Variants in CACNG1 observed in about 807,000 individuals in gnomAD.
CACNG1 encodes the protein calcium voltage-gated channel auxiliary subunit gamma 1, also known as voltage-dependent calcium channel gamma-1 subunit.
A neutral mutation model predicts 22.0 loss-of-function variants in CACNG1; 21 were observed. That is an observed-to-expected ratio of 0.95 (90% CI 0.68 to 1.37). CACNG1 has a LOEUF of 1.37. Ranked by LOEUF, CACNG1 falls within the 40% of genes most tolerant of loss-of-function variation. CACNG1 has a pLI of 0.00. For missense variants in CACNG1, 291 were observed against 308.6 expected (o/e 0.94, Z 0.43); for synonymous variants, 127 against 129.2 (o/e 0.98, Z 0.12).
Position 67,044,830 on chromosome 17 carries a change from G to T in CACNG1, c.170G>T (p.Cys57Phe). The change falls in exon 1 of 4, where the codon TGT (cysteine) becomes TTT (phenylalanine). Residue 57 changes from cysteine (C) to phenylalanine (F), a missense_variant. Coordinates refer to ENST00000226021, the MANE Select transcript of CACNG1 (RefSeq NM_000727.4). The surrounding 1 kb of genome is among the most constrained non-coding windows in gnomAD (Gnocchi z 6.9). ...EAAHFGLWRI[C>F]TKRIPMDDSK... ...GCCCACTTCGGCCTCTGGCGGATTT[G>T]TACCAAGCGCATCCCCATGGACGAC... 6.2e-7 allele frequency: 1 copy of T among 1,613,436 alleles called. No individual in the cohort carries two copies. The highest frequency in any genetic ancestry group is 8.5e-7 in the Non-Finnish European group (1 of 1,180,034).
chr17:67,055,159 G>A lies in CACNG1; in HGVS notation c.361G>A (p.Gly121Ser). Residue 121 changes from glycine to serine, a missense_variant, in exon 3 of 4, where the codon GGC becomes AGC. Coordinates refer to ENST00000226021, the MANE Select transcript of CACNG1 (RefSeq NM_000727.4). The surrounding 1 kb of genome is among the most constrained non-coding windows in gnomAD (Gnocchi z 4.5). Reference sequence around the variant, plus strand: ...CTTCAGCCTTGGCTTCATCATCCTGGGCAGCCTCTGTGTCCTCCTGTCCCT... The same window carrying A: ...CTTCAGCCTTGGCTTCATCATCCTGAGCAGCCTCTGTGTCCTCCTGTCCCT... The part of the protein sequence containing the change: ...AIFSLGFIIL[G>S]SLCVLLSLGK... The A allele has an allele frequency of 6.2e-7, 1 of 1,614,172 alleles. No homozygotes were observed. The highest frequency in any genetic ancestry group is 2.2e-5 in the East Asian group (1 of 44,890).
intron 1 of CACNG1, among the ~76,000 whole-genome samples, chr17:67,046,531 T>A (rs950932659): frequency 2.0e-5 from 3 of 152,082 alleles, no homozygotes; most frequent in African/African-American, 7.2e-5. Context: ...AAACACCAAG[T>A]CCCAGGGCTG....
At position 67,056,106 on chromosome 17, in the gene CACNG1, T is replaced by C; in HGVS notation, c.504T>C (p.Ser168=). ...MRQSVKRMID[S]EDTVWIEYYY... The stretch of plus-strand genomic sequence containing the variant: ...AGTCGGTGAAGCGCATGATTGACAG[T>C]GAGGACACCGTCTGGATCGAGTACT... The change falls in exon 4 of 4, where the codon AGT becomes AGC. Residue 168 remains serine, a synonymous_variant. Coordinates refer to ENST00000226021, the MANE Select transcript of CACNG1 (RefSeq NM_000727.4). The surrounding 1 kb of genome is among the most constrained non-coding windows in gnomAD (Gnocchi z 4.3). 1 of 1,613,594 alleles carries C rather than the reference T, an allele frequency of 6.2e-7. No individual in the cohort carries two copies. The highest frequency in any genetic ancestry group is 8.5e-7 in the Non-Finnish European group (1 of 1,179,934).
At chr17:67,052,459 A>C (rs1179683941) in intron 1 of CACNG1, among the ~76,000 whole-genome samples, 1 of 152,224 alleles carries the variant, frequency 6.6e-6, no homozygotes, top group East Asian at 1.9e-4. Context: ...GAAAGTCTTC[A>C]TCCCAAAGAA....
Position 67,055,363 on chromosome 17 carries a change from C to A in CACNG1, c.442+123C>A. The A allele has an allele frequency of 8.4e-7, 1 of 1,197,536 alleles. No individual in the cohort carries two copies. The highest frequency in any genetic ancestry group is 1.2e-6 in the Non-Finnish European group (1 of 868,620). 74.2% of individuals were successfully genotyped at this position (1,197,536 alleles called of 1,614,324 possible). ...GGCATTTCCCAGGCTCCATCCCCATCCAGGGGCAAACCTGGCCAGGCCATC... is the reference window on the plus strand; with the variant it reads ...GGCATTTCCCAGGCTCCATCCCCATACAGGGGCAAACCTGGCCAGGCCATC... On this transcript the variant is annotated intron_variant, in intron 3 of 3. Transcript: ENST00000226021. The surrounding 1 kb of genome is among the most constrained non-coding windows in gnomAD (Gnocchi z 4.5).
At chr17:67,046,638 C>G (rs577736287) in intron 1 of CACNG1, among the ~76,000 whole-genome samples, 1 of 152,308 alleles carries the variant, frequency 6.6e-6, no homozygotes, top group African/African-American at 2.4e-5. Context: ...ACAGGAACAG[C>G]CTCCAGCCAA....
Position 67,056,014 on chromosome 17 carries a change from G to A in CACNG1, c.443-31G>A, listed in dbSNP as rs1335844846. 6.3e-6 allele frequency: 10 copies of A among 1,579,356 alleles called. No homozygotes were observed. In the East Asian group the frequency reaches 8.9e-5, roughly 14 times the overall value. On this transcript the variant is annotated intron_variant, in intron 3 of 3. Coordinates refer to ENST00000226021, the MANE Select transcript of CACNG1 (RefSeq NM_000727.4). The surrounding 1 kb of genome is among the most constrained non-coding windows in gnomAD (Gnocchi z 4.3). ...CTGGTGGCTACGGCAGACGCCCCTC[G>A]GTCCCTGAGCATGCCTGGCTCTGCC...
chr17:67,053,356 C>CT (rs1233935982), intron 1 of CACNG1, among the ~76,000 whole-genome samples: 4 of 152,232 alleles, frequency 2.6e-5, no homozygotes, highest in Admixed American at 6.5e-5. Flanking sequence ...TTGAAAAACA[C>CT]TGTTTCCCAG....
Position 67,054,017 on chromosome 17 carries a change from G to A in CACNG1, c.251G>A (p.Arg84Lys), listed in dbSNP as rs758554446. 1.9e-6 allele frequency: 3 copies of A among 1,614,106 alleles called. No homozygotes were observed. The East Asian group carries it at 6.7e-5, about 36-fold the overall frequency. The change falls in exon 2 of 4, where the codon AGG becomes AAG. Residue 84 changes from arginine (R) to lysine (K), a missense_variant. By Grantham distance (26) the Arg-to-Lys change is conservative. Transcript: ENST00000226021. The surrounding 1 kb of genome is among the most constrained non-coding windows in gnomAD (Gnocchi z 4.6). ...GCAGAGAAGAACTGTTCCTACTTCA[G>A]GCATTTTAACCCCGGCGAGAGCTCG... Reference protein sequence around the residue: ...LPGEKNCSYFRHFNPGESSEI... With the variant: ...LPGEKNCSYFKHFNPGESSEI...
intron 1 of CACNG1, among the ~76,000 whole-genome samples, chr17:67,046,389 G>C (rs1371886627): frequency 6.6e-6 from 1 of 152,128 alleles, no homozygotes; most frequent in Non-Finnish European, 1.5e-5. Flanking sequence ...CTGCTTGTGA[G>C]GCAAAGAGCA....
chr17:67,047,581 T>C (rs1042556848), intron 1 of CACNG1, among the ~76,000 whole-genome samples: 1 of 152,178 alleles, frequency 6.6e-6, no homozygotes, highest in African/African-American at 2.4e-5. Context: ...AAACCCCCAC[T>C]TGAGAAGCTG....
rs1441618482 is a variant in CACNG1, at chr17:67,055,971, A to T, written c.443-74A>T. 1 of 1,276,850 alleles carries T rather than the reference A, an allele frequency of 7.8e-7. No homozygotes were observed. The highest frequency in any genetic ancestry group is 2.3e-5 in the East Asian group (1 of 43,142). The allele number at this position is 1,276,850 out of a possible 1,614,324, so 79.1% of individuals were successfully genotyped here. ...GGCAAGGTCACCGCCTCCTCCATGC[A>T]CACAGGCTGGGATGGGGCTGGTGGC... On this transcript the variant is annotated intron_variant, in intron 3 of 3. Transcript: ENST00000226021. The surrounding 1 kb of genome is among the most constrained non-coding windows in gnomAD (Gnocchi z 4.5).
chr17:67,045,599 T>C (rs141191471), intron 1 of CACNG1, among the ~76,000 whole-genome samples: 1,990 of 149,160 alleles, frequency 0.013, 48 homozygotes, highest in African/African-American at 0.047. Flanking sequence ...CTTGGCTCCC[T>C]GCAACTTCTG....
chr17:67,050,760 G>A (rs143160143), intron 1 of CACNG1, among the ~76,000 whole-genome samples: 1,835 of 152,302 alleles, frequency 0.012, 19 homozygotes, highest in South Asian at 0.018. Context: ...AGTTACTGAT[G>A]CCCTTAACCA....
Position 67,054,848 on chromosome 17 carries a change from G to A in CACNG1, c.305-255G>A, listed in dbSNP as rs891513914. Among the ~76,000 whole-genome samples the A allele has an allele frequency of 1.4e-4, 21 of 147,548 alleles. No individual in the cohort carries two copies. Among genetic ancestry groups the A allele is most frequent in the East Asian group, 2.0e-4 (1 of 5,056 alleles). ...CACAGAGACACACACTGACACACAC[G>A]TACAATGACAGACACAGAGACACAC... On this transcript the variant is annotated intron_variant, in intron 2 of 3. Transcript: ENST00000226021. This position sits in a 1 kb window ranked among gnomAD's most constrained non-coding sequence, Gnocchi z 4.6.
Position 67,044,823 on chromosome 17 carries a change from C to A in CACNG1, c.163C>A (p.Arg55=), listed in dbSNP as rs765921113. 5 of 1,613,280 alleles carry A rather than the reference C, an allele frequency of 3.1e-6. No individual in the cohort carries two copies. In the African/African-American group the frequency reaches 4.0e-5, roughly 13 times the overall value. Residue 55 remains arginine (R), a synonymous_variant, in exon 1 of 4, where the codon CGG becomes AGG. Coordinates refer to ENST00000226021, the MANE Select transcript of CACNG1 (RefSeq NM_000727.4). The surrounding 1 kb of genome is among the most constrained non-coding windows in gnomAD (Gnocchi z 6.9). ...CGAGGCGGCCCACTTCGGCCTCTGG[C>A]GGATTTGTACCAAGCGCATCCCCAT... is the stretch of plus-strand genomic sequence containing the variant. ...TCEAAHFGLW[R]ICTKRIPMDD...
intron 1 of CACNG1, among the ~76,000 whole-genome samples, chr17:67,045,673 C>T (rs573845268): frequency 1.2e-4 from 19 of 152,228 alleles, no homozygotes; most frequent in African/African-American, 4.6e-4. Flanking sequence ...CAGGCATGCA[C>T]CACCACACCC....
Position 67,054,562 on chromosome 17 carries a change from C to T in CACNG1, c.304+492C>T, listed in dbSNP as rs2143419221. The stretch of plus-strand genomic sequence containing the variant: ...GTCGGGAGTACAGACCCGTGCCTGC[C>T]TGCGCCCAGACAGCTGCACACAGGG... On this transcript the variant is annotated intron_variant, in intron 2 of 3. Coordinates refer to ENST00000226021, the MANE Select transcript of CACNG1 (RefSeq NM_000727.4). The surrounding 1 kb of genome is among the most constrained non-coding windows in gnomAD (Gnocchi z 4.6). 6.6e-6 allele frequency among the ~76,000 whole-genome samples: 1 copy of T among 152,266 alleles called. No individual in the cohort carries two copies. Among genetic ancestry groups the T allele is most frequent in the East Asian group, 1.9e-4 (1 of 5,182 alleles).
Position 67,054,695 on chromosome 17 carries a change from CGCATG to C in CACNG1, c.305-407_305-403del, listed in dbSNP as rs386798574. On this transcript the variant is annotated intron_variant, in intron 2 of 3. Coordinates refer to ENST00000226021, the MANE Select transcript of CACNG1 (RefSeq NM_000727.4). This position sits in a 1 kb window ranked among gnomAD's most constrained non-coding sequence, Gnocchi z 4.6. ...AGACGCACAGAGACACTGACACACA[CGCATG>C]ATGACACACAAAATGACACACAGTG... 8.3e-4 allele frequency among the ~76,000 whole-genome samples: 87 copies of C among 104,542 alleles called. No individual in the cohort carries two copies. In the East Asian group the frequency reaches 0.011, roughly 13 times the overall value. The allele number at this position is 104,542 out of a possible 152,430, so 68.6% of individuals were successfully genotyped here. A position where few individuals can be genotyped will look rare whatever the true frequency, so the allele number is the denominator to read the frequency against.
Sources: allele counts gnomAD v4.1 joint callset (sites outside exome capture counted in the v4.1 genomes callset), GRCh38; gene constraint gnomAD v4.1.1; non-coding constraint Gnocchi (gnomAD v3.1); transcripts MANE v1.5; gene names NCBI Gene and HGNC (gene_info 2026-07-23, HGNC 2026-07-21).